Variants in POU2F1 observed in about 807,000 individuals in gnomAD.
The protein encoded by POU2F1 is POU class 2 homeobox 1.
POU2F1 carries 16 observed loss-of-function variants against 84.9 expected under a neutral mutation model. That is an observed-to-expected ratio of 0.19 (90% CI 0.13 to 0.29). The LOEUF is 0.29. Ranked by LOEUF, POU2F1 falls within the 10% of genes least tolerant of loss-of-function variation. POU2F1 has a pLI of 1.00. For synonymous variants in POU2F1, 368 were observed against 368.3 expected, an observed-to-expected ratio of 1.00 and a Z score of 0.01; for missense variants, 738 against 942.6, an observed-to-expected ratio of 0.78 and a Z score of 2.84.
intron 1 of POU2F1, among the ~76,000 whole-genome samples, chr1:167,223,297 ATGT>A (rs746433255): frequency 9.2e-5 from 14 of 152,052 alleles, no homozygotes; most frequent in Non-Finnish European, 1.5e-5. Flanking sequence ...GTCAGAATTG[ATGT>A]TATGTTTTAT....
intron 8 of POU2F1, among the ~76,000 whole-genome samples, chr1:167,387,953 G>A (rs1648112378): frequency 6.6e-6 from 1 of 152,174 alleles, no homozygotes; most frequent in Non-Finnish European, 1.5e-5. Flanking sequence ...TTAGAAATAA[G>A]TGAAGCTTTC....
intron 1 of POU2F1, among the ~76,000 whole-genome samples, chr1:167,294,550 A>G (rs951897691): frequency 6.6e-6 from 1 of 152,222 alleles, no homozygotes; most frequent in Admixed American, 6.5e-5. Flanking sequence ...AGAATCTACA[A>G]GGAACTCAAA....
chr1:167,337,112 G>A (rs1440044264), intron 2 of POU2F1, among the ~76,000 whole-genome samples: 5 of 151,134 alleles, frequency 3.3e-5, no homozygotes, highest in Admixed American at 2.6e-4. Context: ...GCAGTGAGCC[G>A]AGATTGGGCC....
At chr1:167,225,145 C>T (rs1648535572) in intron 1 of POU2F1, among the ~76,000 whole-genome samples, 1 of 152,136 alleles carries the variant, frequency 6.6e-6, no homozygotes, top group African/African-American at 2.4e-5. Flanking sequence ...ACTTTCTTAA[C>T]TCTCCCACCT....
intron 1 of POU2F1, among the ~76,000 whole-genome samples, chr1:167,317,038 T>G (rs1655956035): frequency 6.6e-6 from 1 of 152,148 alleles, no homozygotes; most frequent in African/African-American, 2.4e-5. Flanking sequence ...ACTATAGGCG[T>G]GCACCACCAC....
chr1:167,295,267 T>C (rs1351326853), intron 1 of POU2F1, among the ~76,000 whole-genome samples: 1 of 152,184 alleles, frequency 6.6e-6, no homozygotes, highest in Non-Finnish European at 1.5e-5. Flanking sequence ...TGCAAAGATA[T>C]GGAACCAACC....
intron 2 of POU2F1, among the ~76,000 whole-genome samples, chr1:167,362,024 A>G (rs1659385183): frequency 6.6e-6 from 1 of 151,864 alleles, no homozygotes; most frequent in Non-Finnish European, 1.5e-5. Context: ...ACCAAGTGCT[A>G]TTTGGTTTTG....
At chr1:167,338,426 C>T (rs560289172) in intron 2 of POU2F1, among the ~76,000 whole-genome samples, 75 of 152,264 alleles carry the variant, frequency 4.9e-4, no homozygotes, top group African/African-American at 1.7e-3. Flanking sequence ...TCAGATGTTA[C>T]ATGCAGATTT....
rs373517501 is a variant in POU2F1 at position 167,401,545 on chromosome 1, T to C, written c.1544T>C (p.Leu515Pro). 59 of 1,605,650 alleles carry C rather than the reference T, an allele frequency of 3.7e-5. No individual in the cohort carries two copies. Among genetic ancestry groups the C allele is most frequent in the Non-Finnish European group, 4.8e-5 (57 of 1,176,204 alleles). The change falls in exon 13 of 16, where the codon CTT (leucine) becomes CCT (proline). Residue 515 changes from leucine (L) to proline (P), a missense_variant. This residue lies in a region of POU2F1 where 319 missense variants were observed against 386.0 expected (regional missense o/e 0.83). Transcript: ENST00000367866. ...LPLTSAAVTN[L>P]SVTGTSDTTS... ...CTGACCAGTGCTGCTGTGACGAATC[T>C]TTCAGTTACAGGTAAGCAGCTGCCA...
chr1:167,254,471 G>T (rs1650983937), intron 1 of POU2F1, among the ~76,000 whole-genome samples: 1 of 152,096 alleles, frequency 6.6e-6, no homozygotes, highest in African/African-American at 2.4e-5. Context: ...CTGTTTCTTT[G>T]TGTCTTGCCT....
At chr1:167,347,554 T>C (rs896322208) in intron 2 of POU2F1, among the ~76,000 whole-genome samples, 6 of 152,158 alleles carry the variant, frequency 3.9e-5, no homozygotes, top group African/African-American at 1.4e-4. Flanking sequence ...TAACATAAAA[T>C]TAACTATTTT....
At chr1:167,295,851 T>C (rs1036349942) in intron 1 of POU2F1, among the ~76,000 whole-genome samples, 1 of 152,168 alleles carries the variant, frequency 6.6e-6, no homozygotes, top group Admixed American at 6.5e-5. Flanking sequence ...TTGTAAATTT[T>C]TTGTTGTAAT....
chr1:167,297,810 A>G lies in POU2F1; in HGVS notation c.62-34660A>G, dbSNP rs144164225. ...GTGGCAGGAAGAAAATACTTTGGCAATCACTAGTGTAATGAGAATTGGGCT... is the reference window on the plus strand; with the variant it reads ...GTGGCAGGAAGAAAATACTTTGGCAGTCACTAGTGTAATGAGAATTGGGCT... On this transcript the variant is annotated intron_variant, in intron 1 of 15. Coordinates refer to ENST00000367866, the MANE Select transcript of POU2F1 (RefSeq NM_002697.4). 1.1e-4 allele frequency among the ~76,000 whole-genome samples: 17 copies of G among 152,274 alleles called. No individual in the cohort carries two copies. In the East Asian group the frequency reaches 2.3e-3, roughly 21 times the overall value.
intron 6 of POU2F1, among the ~76,000 whole-genome samples, chr1:167,374,957 C>T (rs527963730): frequency 7.3e-5 from 11 of 151,524 alleles, no homozygotes; most frequent in African/African-American, 1.2e-4. Context: ...ATCCCAGCTA[C>T]GCGGGAGGTT....
chr1:167,225,075 C>T (rs1446452219), intron 1 of POU2F1, among the ~76,000 whole-genome samples: 4 of 152,108 alleles, frequency 2.6e-5, no homozygotes, highest in East Asian at 1.9e-4. Flanking sequence ...GGGATCCACC[C>T]GCCTCGGCTT....
intron 1 of POU2F1, among the ~76,000 whole-genome samples, chr1:167,312,045 C>G (rs948186483): frequency 1.3e-5 from 2 of 152,056 alleles, no homozygotes; most frequent in African/African-American, 4.8e-5. Context: ...AGCAATTCTC[C>G]TGCCTCAGCC....
intron 3 of POU2F1, among the ~76,000 whole-genome samples, chr1:167,369,484 CAT>C (rs1242820791): frequency 6.6e-5 from 10 of 152,174 alleles, no homozygotes; most frequent in African/African-American, 2.4e-4. Context: ...CTGCCTAAAT[CAT>C]AGTTATTATC....
chr1:167,345,155 C>T (rs1179802534), intron 2 of POU2F1, among the ~76,000 whole-genome samples: 2 of 152,034 alleles, frequency 1.3e-5, no homozygotes, highest in African/African-American at 4.8e-5. Flanking sequence ...TTCTATGTAT[C>T]CCGGAACTTA....
chr1:167,328,916 CA>C, intron 1 of POU2F1: 1 of 454,942 alleles, frequency 2.2e-6, no homozygotes, highest in Non-Finnish European at 3.0e-6. Flanking sequence ...TAATCACGCG[CA>C]TACTGATTAA....
Sources: gnomAD v4.1 joint callset for allele counts (sites outside exome capture counted in the v4.1 genomes callset) on GRCh38, gnomAD v4.1.1 for gene constraint, gnomAD v4.1.1 regional missense constraint, MANE v1.5 for transcripts, NCBI Gene and HGNC (gene_info 2026-07-23, HGNC 2026-07-21) for gene names.